ULK4: variants seen among roughly 807,000 people sequenced by gnomAD.
ULK4 encodes unc-51 like kinase 4, also known as inactive serine/threonine-protein kinase ULK4.
In ULK4, 133 loss-of-function variants were observed where a neutral mutation model predicts 160.6. The observed-to-expected ratio is 0.83, with a 90% confidence interval of 0.72 to 0.96. ULK4 has a LOEUF of 0.96. Ranked by LOEUF, ULK4 falls within the 40% of genes least tolerant of loss-of-function variation. The probability of loss-of-function intolerance (pLI) is 0.00; values close to 1 mark genes in which losing one functional copy is unlikely to be tolerated. For missense variants in ULK4, 1,580 were observed against 1,499.5 expected (o/e 1.05, Z -0.89); for synonymous variants, 534 against 539.8 (o/e 0.99, Z 0.15).
chr3:41,697,606 AT>A (rs1310990798), intron 27 of ULK4, among the ~76,000 whole-genome samples: 2 of 151,836 alleles, frequency 1.3e-5, no homozygotes, highest in African/African-American at 2.4e-5. Flanking sequence ...AGAAAAATAC[AT>A]TTTTTTTCTA....
At chr3:41,465,896 G>A (rs2083820934) in intron 32 of ULK4, among the ~76,000 whole-genome samples, 1 of 152,168 alleles carries the variant, frequency 6.6e-6, no homozygotes, top group Non-Finnish European at 1.5e-5. Context: ...ACCAGTTTCA[G>A]AACAATGATT....
chr3:41,494,904 C>T (rs1320460271), intron 32 of ULK4, among the ~76,000 whole-genome samples: 2 of 152,134 alleles, frequency 1.3e-5, no homozygotes, highest in East Asian at 1.9e-4. Context: ...AGGAGAACTA[C>T]AAACCAATGC....
At chr3:41,503,677 A>C (rs1164796814) in intron 32 of ULK4, among the ~76,000 whole-genome samples, 1 of 152,162 alleles carries the variant, frequency 6.6e-6, no homozygotes, top group Non-Finnish European at 1.5e-5. Flanking sequence ...ATTATATTTA[A>C]TTTAAAAGTA....
At chr3:41,542,789 T>G (rs1559380615) in intron 32 of ULK4, among the ~76,000 whole-genome samples, 1 of 152,192 alleles carries the variant, frequency 6.6e-6, no homozygotes, top group Admixed American at 6.5e-5. Context: ...TACTTCTAGA[T>G]TTTCTAGTTT....
rs563636145 is a variant in ULK4 at position 41,744,038 on chromosome 3, T to A, written c.2321+10323A>T. 7.0e-4 allele frequency among the ~76,000 whole-genome samples: 106 copies of A among 152,048 alleles called. 1 individual carries two copies. In the South Asian group the frequency reaches 0.013, roughly 18 times the overall value. ...CTAAGAGGCTATTATAAGTTATGTATGTATATTGCAACAACTAGAGCAACC... is the reference window on the plus strand; with the variant it reads ...CTAAGAGGCTATTATAAGTTATGTAAGTATATTGCAACAACTAGAGCAACC... On this transcript the variant is annotated intron_variant, in intron 22 of 36. Transcript: ENST00000301831.
chr3:41,802,690 T>C (rs1453444877), intron 19 of ULK4, among the ~76,000 whole-genome samples: 1 of 152,154 alleles, frequency 6.6e-6, no homozygotes, highest in African/African-American at 2.4e-5. Flanking sequence ...GTAGGAAGGC[T>C]AGAAGGAGAA....
chr3:41,398,537 T>C (rs2082113620), intron 34 of ULK4, among the ~76,000 whole-genome samples: 1 of 144,964 alleles, frequency 6.9e-6, no homozygotes, highest in Non-Finnish European at 1.5e-5. Context: ...ACACACACCA[T>C]CATCATGCCC....
chr3:41,592,379 G>A (rs1275923210), intron 31 of ULK4, among the ~76,000 whole-genome samples: 12 of 152,222 alleles, frequency 7.9e-5, no homozygotes, highest in African/African-American at 1.9e-4. Context: ...GTCCTCGGGC[G>A]GGCTGCCTAA....
At chr3:41,524,931 T>G (rs1032624878) in intron 32 of ULK4, among the ~76,000 whole-genome samples, 2 of 152,092 alleles carry the variant, frequency 1.3e-5, no homozygotes, top group African/African-American at 4.8e-5. Flanking sequence ...AGCAAGACTC[T>G]GTCTCCAAAA....
At chr3:41,666,106 C>T (rs1423362888) in intron 29 of ULK4, among the ~76,000 whole-genome samples, 1 of 152,208 alleles carries the variant, frequency 6.6e-6, no homozygotes, top group Non-Finnish European at 1.5e-5. Flanking sequence ...GAAGTACTTA[C>T]TACCAACCAG....
intron 32 of ULK4, among the ~76,000 whole-genome samples, chr3:41,564,597 TAC>T (rs1232944491): frequency 6.6e-6 from 1 of 151,438 alleles, no homozygotes; most frequent in Non-Finnish European, 1.5e-5. Flanking sequence ...TAGCTGGGAC[TAC>T]AGTCACCCGC....
intron 22 of ULK4, among the ~76,000 whole-genome samples, chr3:41,736,835 T>G (rs1038376110): frequency 1.1e-4 from 16 of 151,788 alleles, no homozygotes; most frequent in African/African-American, 3.9e-4. Context: ...GGTCTAACGT[T>G]TAAGTCTTTA....
intron 25 of ULK4, among the ~76,000 whole-genome samples, chr3:41,706,900 T>TAGAGAG (rs1553637616): frequency 0.056 from 7,688 of 136,336 alleles, 571 homozygotes; most frequent in African/African-American, 0.17. Flanking sequence ...TATATATATA[T>TAGAGAG]AGAGAGAGAG....
intron 13 of ULK4, 76 bp downstream of exon 13, chr3:41,900,649 T>G: frequency 8.7e-7 from 1 of 1,154,124 alleles, no homozygotes; most frequent in Non-Finnish European, 1.3e-6. Context: ...GTAAATAATA[T>G]TCTGAATGAA....
intron 29 of ULK4, among the ~76,000 whole-genome samples, chr3:41,667,327 C>T (rs1009105327): frequency 9.9e-5 from 15 of 152,070 alleles, no homozygotes; most frequent in Admixed American, 9.2e-4. Context: ...GTTCTGTTTT[C>T]CTCCTGTTGG....
At chr3:41,742,205 T>C (rs2038264012) in intron 22 of ULK4, among the ~76,000 whole-genome samples, 4 of 151,910 alleles carry the variant, frequency 2.6e-5, no homozygotes, top group South Asian at 4.1e-4. Flanking sequence ...AACTGAGAAG[T>C]ACAGGCAAAG....
At chr3:41,653,354 T>C (rs919063888) in intron 30 of ULK4, among the ~76,000 whole-genome samples, 42 of 152,220 alleles carry the variant, frequency 2.8e-4, no homozygotes, top group African/African-American at 1.0e-3. Context: ...GTAAAAGTTC[T>C]TGTCCACATT....
At chr3:41,314,340 C>T (rs1048034278) in intron 35 of ULK4, among the ~76,000 whole-genome samples, 5 of 152,136 alleles carry the variant, frequency 3.3e-5, no homozygotes, top group African/African-American at 1.2e-4. Context: ...GGTAATTTTT[C>T]AACCTTCAAT....
At chr3:41,356,877 G>C (rs1327656293) in intron 35 of ULK4, among the ~76,000 whole-genome samples, 3 of 152,128 alleles carry the variant, frequency 2.0e-5, no homozygotes, top group Non-Finnish European at 4.4e-5. Context: ...ATGAGGCCTA[G>C]TAGTTCAGGC....
Sources: gnomAD v4.1 joint callset for allele counts (sites outside exome capture counted in the v4.1 genomes callset) on GRCh38, gnomAD v4.1.1 for gene constraint, MANE v1.5 for transcripts, NCBI Gene and HGNC (gene_info 2026-07-23, HGNC 2026-07-21) for gene names.